The following TECRL variants were observed in gnomAD, a reference collection of about 807,000 sequenced individuals.
TECRL encodes the protein trans-2,3-enoyl-CoA reductase like, also known as trans-2,3-enoyl-CoA reductase-like.
A neutral mutation model predicts 52.8 loss-of-function variants in TECRL; 63 were observed. The observed-to-expected ratio is 1.19, with a 90% CI of 0.97 to 1.47. The LOEUF (loss-of-function observed/expected upper bound fraction) is 1.47, where lower values mean the gene tolerates loss of function less well. Among genes scored for constraint, TECRL ranks in the 40% most tolerant of loss-of-function variants. The probability of loss-of-function intolerance (pLI) is 0.00; values close to 1 mark genes in which losing one functional copy is unlikely to be tolerated. For missense variants in TECRL, 482 were observed against 429.6 expected (o/e 1.12, Z -1.08); for synonymous variants, 164 against 141.9 (o/e 1.16, Z -1.10).
In TECRL at chr4:64,302,107, C is replaced by CATTGGGCAAATTGCCCAAA. The variant is rs1159464420; in HGVS notation, c.731-2091_731-2090insTTTGGGCAATTTGCCCAAT. The stretch of plus-strand genomic sequence containing the variant: ...TTTGGGTATATTAAAATGTTCCTGC[C>CATTGGGCAAATTGCCCAAA]ATTGGGCAGTTTTACAATTTTGATA... On this transcript the variant is annotated intron_variant, in intron 7 of 11. Coordinates refer to ENST00000381210, the MANE Select transcript of TECRL (RefSeq NM_001010874.5). Among the ~76,000 whole-genome samples the CATTGGGCAAATTGCCCAAA allele has an allele frequency of 4.6e-5, 7 of 151,156 alleles. No homozygotes were observed. In the East Asian group the frequency reaches 1.4e-3, roughly 29 times the overall value.
intron 8 of TECRL, among the ~76,000 whole-genome samples, chr4:64,296,373 A>AT (rs926817917): frequency 4.8e-4 from 72 of 151,100 alleles, no homozygotes; most frequent in South Asian, 2.3e-3. Context: ...ATAAAAGCAT[A>AT]TTTTTTTTTC....
chr4:64,315,812 A>C (rs76239673), intron 4 of TECRL, among the ~76,000 whole-genome samples: 2 of 152,244 alleles, frequency 1.3e-5, no homozygotes, highest in East Asian at 3.9e-4. Flanking sequence ...ACAAATACAT[A>C]AATAGTAATT....
At chr4:64,341,541 G>GTTTCAGTGAGC (rs1426709105) in intron 2 of TECRL, among the ~76,000 whole-genome samples, 2 of 152,052 alleles carry the variant, frequency 1.3e-5, no homozygotes, top group Admixed American at 1.3e-4. Flanking sequence ...TGGAGGTGAG[G>GTTTCAGTGAGC]TTTCAGTGAG....
In TECRL at chr4:64,279,889, T is replaced by A. The variant is rs1280547684; in HGVS notation, c.*183A>T. ...GTTCTTAGTTAATTGCATTTATAAT[T>A]TATACTTTTTATTACCATGTGCATT... On this transcript the variant is annotated 3_prime_UTR_variant, in exon 12 of 12. Transcript: ENST00000381210. The A allele has an allele frequency of 8.6e-7, 1 of 1,161,936 alleles. No individual in the cohort carries two copies. The highest frequency in any genetic ancestry group is 4.7e-5 in the East Asian group (1 of 21,246). 72.0% of individuals were successfully genotyped at this position (1,161,936 alleles called of 1,614,324 possible).
chr4:64,309,744 A>G (rs1724554561), intron 6 of TECRL, 82 bp downstream of exon 6: 1 of 910,032 alleles, frequency 1.1e-6, no homozygotes, highest in African/African-American at 1.7e-5. Flanking sequence ...AAGTTTCGGA[A>G]GGAAACAATG....
At chr4:64,403,724 T>C (rs1323722583) in intron 1 of TECRL, among the ~76,000 whole-genome samples, 1 of 151,302 alleles carries the variant, frequency 6.6e-6, no homozygotes, top group African/African-American at 2.4e-5. Context: ...TCCCATGTGC[T>C]TTTGATTAAT....
chr4:64,295,581 A>G (rs1723634257), intron 8 of TECRL, among the ~76,000 whole-genome samples: 4 of 151,686 alleles, frequency 2.6e-5, no homozygotes, highest in Admixed American at 2.6e-4. Flanking sequence ...CATAAAGTGA[A>G]TATCTTCAGA....
intron 7 of TECRL, among the ~76,000 whole-genome samples, chr4:64,303,616 T>C (rs1328997416): frequency 6.6e-6 from 1 of 151,824 alleles, no homozygotes; most frequent in Non-Finnish European, 1.5e-5. Context: ...ACAAACAGTA[T>C]AATTTTCATG....
chr4:64,361,844 C>T (rs1412617452), intron 2 of TECRL, among the ~76,000 whole-genome samples: 2 of 152,086 alleles, frequency 1.3e-5, no homozygotes, highest in African/African-American at 4.8e-5. Flanking sequence ...AACTCCCCAG[C>T]AATAGTTCTT....
At chr4:64,403,807 G>C (rs1418078767) in intron 1 of TECRL, among the ~76,000 whole-genome samples, 3 of 149,708 alleles carry the variant, frequency 2.0e-5, no homozygotes, top group Non-Finnish European at 3.0e-5. Flanking sequence ...GAAAAGGGGG[G>C]CAGGAATATG....
chr4:64,396,497 G>A (rs1296578853), intron 1 of TECRL, among the ~76,000 whole-genome samples: 1 of 151,712 alleles, frequency 6.6e-6, no homozygotes, highest in Non-Finnish European at 1.5e-5. Context: ...TTTTAAATGT[G>A]GTTGTTTGTT....
intron 2 of TECRL, among the ~76,000 whole-genome samples, chr4:64,349,736 A>C (rs1720249900): frequency 6.6e-6 from 1 of 152,202 alleles, no homozygotes; most frequent in South Asian, 2.1e-4. Flanking sequence ...GTGCACAGCC[A>C]GGCCTTGAAG....
At position 64,353,003 on chromosome 4, in the gene TECRL, G is replaced by T. The variant is rs113154701; in HGVS notation, c.286+22169C>A. Among the ~76,000 whole-genome samples, 1,131 of 152,238 alleles carry T rather than the reference G, an allele frequency of 7.4e-3. 12 individuals are homozygous for T. Among genetic ancestry groups the T allele is most frequent in the African/African-American group, 0.026 (1,075 of 41,536 alleles). On this transcript the variant is annotated intron_variant, in intron 2 of 11. Transcript: ENST00000381210. The stretch of plus-strand genomic sequence containing the variant: ...TGAGTAGCTTGGATTACAGGCACAA[G>T]CCACTGCACCCAATTCAATACTTTG...
chr4:64,356,269 C>A (rs1720762790), intron 2 of TECRL, among the ~76,000 whole-genome samples: 1 of 152,112 alleles, frequency 6.6e-6, no homozygotes, highest in Non-Finnish European at 1.5e-5. Context: ...TGCGAAAGAC[C>A]TGACCGTCCC....
At chr4:64,359,575 C>T (rs1375024667) in intron 2 of TECRL, among the ~76,000 whole-genome samples, 3 of 151,704 alleles carry the variant, frequency 2.0e-5, no homozygotes, top group Non-Finnish European at 4.4e-5. Flanking sequence ...AAAGATGAAT[C>T]AAAATAACAT....
At chr4:64,313,977 C>CAAAAAAAAAAAA (rs752037972) in intron 5 of TECRL, among the ~76,000 whole-genome samples, 11 of 61,894 alleles carry the variant, frequency 1.8e-4, no homozygotes, top group East Asian at 5.7e-4. Flanking sequence ...ACTAAAAATA[C>CAAAAAAAAAAAA]AAAAAAAAAA....
At chr4:64,326,092 C>T (rs1718241801) in intron 3 of TECRL, among the ~76,000 whole-genome samples, 1 of 152,072 alleles carries the variant, frequency 6.6e-6, no homozygotes, top group Admixed American at 6.6e-5. Context: ...CAAGCACAAC[C>T]TGGTCTTTGG....
chr4:64,330,692 A>C (rs1332176208), intron 2 of TECRL, among the ~76,000 whole-genome samples: 1 of 152,050 alleles, frequency 6.6e-6, no homozygotes, highest in East Asian at 1.9e-4. Flanking sequence ...AGAAATAACA[A>C]AGGTGAATAT....
chr4:64,403,056 T>A (rs1724463534), intron 1 of TECRL, among the ~76,000 whole-genome samples: 1 of 76,640 alleles, frequency 1.3e-5, no homozygotes, highest in South Asian at 4.2e-4. Flanking sequence ...GTGAGGTTTC[T>A]GTGATAAACA....
Sources: gnomAD v4.1 joint callset for allele counts (sites outside exome capture counted in the v4.1 genomes callset) on GRCh38, gnomAD v4.1.1 for gene constraint, MANE v1.5 for transcripts, NCBI Gene and HGNC (gene_info 2026-07-23, HGNC 2026-07-21) for gene names.